LRMDA: variants seen among roughly 807,000 people sequenced by gnomAD.
The protein encoded by LRMDA is leucine rich melanocyte differentiation associated, also known as leucine-rich melanocyte differentiation-associated protein.
A neutral mutation model predicts 29.8 loss-of-function variants in LRMDA; 18 were observed. That is an observed-to-expected ratio of 0.60 (90% CI 0.42 to 0.90). The LOEUF (loss-of-function observed/expected upper bound fraction) is 0.90. LRMDA is among the 40% of genes least tolerant of loss of function. LRMDA has a pLI of 0.00. For missense variants in LRMDA, 273 were observed against 273.9 expected, an observed-to-expected ratio of 1.00 and a Z score of 0.02; for synonymous variants, 125 against 109.4, an observed-to-expected ratio of 1.14 and a Z score of -0.89.
At chr10:76,512,802 TGG>T (rs1843022015) in intron 6 of LRMDA, among the ~76,000 whole-genome samples, 1 of 152,162 alleles carries the variant, frequency 6.6e-6, no homozygotes, top group Admixed American at 6.5e-5. Flanking sequence ...TAATCTGTAT[TGG>T]GACATATTAA....
At chr10:76,371,429 C>T (rs1841453021) in intron 6 of LRMDA, among the ~76,000 whole-genome samples, 1 of 151,902 alleles carries the variant, frequency 6.6e-6, no homozygotes, top group South Asian at 2.1e-4. Flanking sequence ...TTTTTTCTCA[C>T]AACTGCTTCT....
intron 5 of LRMDA, among the ~76,000 whole-genome samples, chr10:76,187,266 G>A (rs1471530585): frequency 6.6e-6 from 1 of 152,088 alleles, no homozygotes; most frequent in Non-Finnish European, 1.5e-5. Context: ...GTATGTTAAG[G>A]ATATTAAGAA....
In LRMDA at chr10:75,547,663, G is replaced by A. The variant is rs183209914; in HGVS notation, c.131+109169G>A. Among the ~76,000 whole-genome samples, 15 of 152,300 alleles carry A rather than the reference G, an allele frequency of 9.8e-5. No individual in the cohort carries two copies. The Middle Eastern group carries it at 0.01, about 104-fold the overall frequency. ...AGTGCTCAAGCCACATGTGTTTATG[G>A]TATGTAATAAATCTCCATTTGTCAT... On this transcript the variant is annotated intron_variant, in intron 2 of 6. Transcript: ENST00000611255.
At chr10:76,518,313 A>ATCTATCTC (rs1304635046) in intron 6 of LRMDA, among the ~76,000 whole-genome samples, 4 of 151,178 alleles carry the variant, frequency 2.6e-5, no homozygotes, top group Non-Finnish European at 5.9e-5. Flanking sequence ...CTATCTATCT[A>ATCTATCTC]TCTATCTATC....
chr10:76,350,883 G>A (rs1354942236), intron 6 of LRMDA, among the ~76,000 whole-genome samples: 4 of 152,094 alleles, frequency 2.6e-5, no homozygotes, highest in African/African-American at 4.8e-5. Context: ...ATGGGCACTT[G>A]AGATGAAACC....
At chr10:76,246,673 T>C (rs1852383923) in intron 5 of LRMDA, among the ~76,000 whole-genome samples, 1 of 152,146 alleles carries the variant, frequency 6.6e-6, no homozygotes, top group Admixed American at 6.5e-5. Context: ...CCTGGATTAG[T>C]CCAACTGGCA....
At chr10:76,525,585 T>C (rs960917463) in intron 6 of LRMDA, among the ~76,000 whole-genome samples, 4 of 148,384 alleles carry the variant, frequency 2.7e-5, no homozygotes, top group African/African-American at 1.0e-4. Flanking sequence ...AATAGGTTCT[T>C]GTAAATGGCA....
intron 1 of LRMDA, among the ~76,000 whole-genome samples, chr10:75,436,682 G>C (rs1049218021): frequency 1.3e-5 from 2 of 152,002 alleles, no homozygotes; most frequent in African/African-American, 4.8e-5. Context: ...TGTTAGTCAG[G>C]ATGGTGTCGA....
At chr10:76,144,787 G>T (rs1264196831) in intron 5 of LRMDA, among the ~76,000 whole-genome samples, 1 of 152,202 alleles carries the variant, frequency 6.6e-6, no homozygotes, top group Non-Finnish European at 1.5e-5. Context: ...CAAAGGGAAT[G>T]CTTCCAGTTT....
chr10:75,679,306 T>C (rs1467661623), intron 2 of LRMDA, among the ~76,000 whole-genome samples: 1 of 152,216 alleles, frequency 6.6e-6, no homozygotes, highest in African/African-American at 2.4e-5. Flanking sequence ...GCACTTTTTA[T>C]GCATTATCCT....
chr10:76,524,688 A>G (rs1843156210), intron 6 of LRMDA, among the ~76,000 whole-genome samples: 2 of 152,188 alleles, frequency 1.3e-5, no homozygotes, highest in African/African-American at 4.8e-5. Context: ...TGGAATACTT[A>G]TATCTTAATT....
chr10:76,307,360 TA>T (rs1179826833), intron 5 of LRMDA, among the ~76,000 whole-genome samples: 1 of 152,168 alleles, frequency 6.6e-6, no homozygotes, highest in African/African-American at 2.4e-5. Context: ...CAGTTTGGCC[TA>T]AAGATAATGA....
chr10:76,312,613 C>A (rs10824393), intron 5 of LRMDA, among the ~76,000 whole-genome samples: 13,849 of 152,032 alleles, frequency 0.091, 849 homozygotes, highest in East Asian at 0.31. Flanking sequence ...GTCCTACAAA[C>A]CCAGTTGAGA....
At chr10:75,747,386 T>C (rs1842902374) in intron 2 of LRMDA, among the ~76,000 whole-genome samples, 1 of 152,100 alleles carries the variant, frequency 6.6e-6, no homozygotes, top group African/African-American at 2.4e-5. Context: ...TTGGAAACAC[T>C]CAGGAAAGAA....
intron 5 of LRMDA, among the ~76,000 whole-genome samples, chr10:76,074,065 G>GA (rs1001304781): frequency 6.6e-6 from 1 of 151,872 alleles, no homozygotes. Context: ...CTTTGGGGAG[G>GA]AAAAAAAGAG....
chr10:75,886,855 C>T (rs368222402), intron 2 of LRMDA, among the ~76,000 whole-genome samples: 40 of 152,244 alleles, frequency 2.6e-4, no homozygotes, highest in African/African-American at 8.2e-4. Flanking sequence ...TCAGGTCACA[C>T]GGTTATTTAT....
At chr10:76,416,173 C>G (rs1177577101) in intron 6 of LRMDA, among the ~76,000 whole-genome samples, 1 of 152,168 alleles carries the variant, frequency 6.6e-6, no homozygotes, top group Non-Finnish European at 1.5e-5. Context: ...TATGGCAGAA[C>G]TCTACAAGGC....
chr10:75,729,188 G>A (rs1842666402), intron 2 of LRMDA, among the ~76,000 whole-genome samples: 1 of 152,180 alleles, frequency 6.6e-6, no homozygotes. Flanking sequence ...CAGGTACTCG[G>A]GCATATAAAT....
intron 5 of LRMDA, among the ~76,000 whole-genome samples, chr10:76,308,083 C>T (rs1449433341): frequency 6.6e-6 from 1 of 152,118 alleles, no homozygotes; most frequent in Non-Finnish European, 1.5e-5. Context: ...CTGACAGTCT[C>T]TCTGTAATGT....
Sources: allele counts gnomAD v4.1 joint callset (sites outside exome capture counted in the v4.1 genomes callset), GRCh38; gene constraint gnomAD v4.1.1; transcripts MANE v1.5; gene names NCBI Gene and HGNC (gene_info 2026-07-23, HGNC 2026-07-21).